Variants in IMMP2L observed in about 807,000 individuals in gnomAD.
IMMP2L encodes mitochondrial inner membrane protease subunit 2.
A neutral mutation model predicts 19.3 loss-of-function variants in IMMP2L; 18 were observed. The observed-to-expected ratio is 0.93, with a 90% CI of 0.64 to 1.38. The LOEUF is 1.38. Ranked by LOEUF, IMMP2L falls within the 40% of genes most tolerant of loss-of-function variation. The pLI, the probability that IMMP2L is intolerant of heterozygous loss-of-function variation, is 0.00. For missense variants in IMMP2L, 233 were observed against 218.2 expected, an observed-to-expected ratio of 1.07 and a Z score of -0.43; for synonymous variants, 76 against 73.0, an observed-to-expected ratio of 1.04 and a Z score of -0.21.
chr7:110,906,204 A>G (rs1563071123), intron 4 of IMMP2L, among the ~76,000 whole-genome samples: 1 of 152,250 alleles, frequency 6.6e-6, no homozygotes, highest in East Asian at 1.9e-4. Flanking sequence ...ATATTTAATT[A>G]CACTAGATTG....
At chr7:111,418,183 G>T (rs2131577167) in intron 3 of IMMP2L, among the ~76,000 whole-genome samples, 1 of 151,744 alleles carries the variant, frequency 6.6e-6, no homozygotes, top group East Asian at 1.9e-4. Flanking sequence ...AATCAGTTGT[G>T]ATTTCTTTTC....
intron 3 of IMMP2L, among the ~76,000 whole-genome samples, chr7:111,064,723 C>T (rs544703926): frequency 3.5e-4 from 54 of 152,278 alleles, no homozygotes; most frequent in African/African-American, 1.3e-3. Context: ...GCCACCTGGA[C>T]ACCTTGGGCT....
chr7:111,390,683 T>A (rs1234541549), intron 3 of IMMP2L: 1 of 152,164 alleles, frequency 6.6e-6, no homozygotes, highest in Non-Finnish European at 1.5e-5. Context: ...CATTAGCTCC[T>A]GCTGCTTGTT....
At chr7:111,165,851 G>T (rs974627335) in intron 3 of IMMP2L, among the ~76,000 whole-genome samples, 2 of 151,888 alleles carry the variant, frequency 1.3e-5, no homozygotes, top group Non-Finnish European at 2.9e-5. Flanking sequence ...CCAAGCCCCC[G>T]GCAAGTTATC....
chr7:111,374,172 T>C (rs1830483469), intron 3 of IMMP2L, among the ~76,000 whole-genome samples: 1 of 152,112 alleles, frequency 6.6e-6, no homozygotes, highest in Non-Finnish European at 1.5e-5. Context: ...ATGCTAAAGC[T>C]TGATATTGTC....
At chr7:111,083,282 T>TA (rs1796035795) in intron 3 of IMMP2L, among the ~76,000 whole-genome samples, 1 of 152,212 alleles carries the variant, frequency 6.6e-6, no homozygotes, top group Non-Finnish European at 1.5e-5. Flanking sequence ...ATGAAAATAA[T>TA]AAAAAATTAT....
intron 5 of IMMP2L, among the ~76,000 whole-genome samples, chr7:110,673,936 C>T (rs534192738): frequency 2.0e-5 from 3 of 152,308 alleles, no homozygotes; most frequent in East Asian, 1.9e-4. Flanking sequence ...ACTGTTCCAA[C>T]CTTTGCCTGT....
At chr7:111,445,859 G>A (rs1030609420) in intron 3 of IMMP2L, among the ~76,000 whole-genome samples, 64 of 152,148 alleles carry the variant, frequency 4.2e-4, no homozygotes, top group East Asian at 5.8e-4. Flanking sequence ...CGCACCGTGC[G>A]TGAGCCGAAG....
intron 3 of IMMP2L, among the ~76,000 whole-genome samples, chr7:111,458,656 T>G (rs747926034): frequency 7.2e-5 from 11 of 152,114 alleles, no homozygotes; most frequent in Non-Finnish European, 1.3e-4. Flanking sequence ...ATCCTTTTCC[T>G]CTTCTATCCC....
intron 4 of IMMP2L, among the ~76,000 whole-genome samples, chr7:110,944,706 G>C (rs1014651796): frequency 1.3e-5 from 2 of 151,932 alleles, no homozygotes; most frequent in Non-Finnish European, 2.9e-5. Flanking sequence ...TGGGATGGAA[G>C]TGGCAGTCAG....
chr7:111,221,507 G>T (rs898810579), intron 3 of IMMP2L, among the ~76,000 whole-genome samples: 3 of 151,546 alleles, frequency 2.0e-5, no homozygotes, highest in Non-Finnish European at 4.4e-5. Context: ...AACAGAGAGA[G>T]AGAGAGCAAG....
At chr7:110,980,835 T>C (rs1302714268) in intron 3 of IMMP2L, among the ~76,000 whole-genome samples, 1 of 152,214 alleles carries the variant, frequency 6.6e-6, no homozygotes, top group Non-Finnish European at 1.5e-5. Flanking sequence ...TATTCCAAAA[T>C]AAATTGTGTA....
At chr7:111,509,703 A>G (rs969109650) in intron 2 of IMMP2L, among the ~76,000 whole-genome samples, 1 of 152,196 alleles carries the variant, frequency 6.6e-6, no homozygotes, top group African/African-American at 2.4e-5. Flanking sequence ...ACTTAATATG[A>G]GTCATGAGCA....
chr7:111,213,224 G>A lies in IMMP2L; in HGVS notation c.240-249659C>T, dbSNP rs114056571. ...TGGAGTGGAGTTGAGGCCTAGCCCGGGTGCTGTCACAATCAGGCTGAGTGT... is the reference window on the plus strand; with the variant it reads ...TGGAGTGGAGTTGAGGCCTAGCCCGAGTGCTGTCACAATCAGGCTGAGTGT... On this transcript the variant is annotated intron_variant, in intron 3 of 5. Transcript: ENST00000405709. This position sits in a 1 kb window ranked among gnomAD's most constrained non-coding sequence, Gnocchi z 4.8. Among the ~76,000 whole-genome samples the A allele has an allele frequency of 6.6e-5, 10 of 152,180 alleles. No individual in the cohort carries two copies. The highest frequency in any genetic ancestry group is 1.2e-4 in the Non-Finnish European group (8 of 68,024).
At chr7:110,673,950 C>T (rs1340099453) in intron 5 of IMMP2L, among the ~76,000 whole-genome samples, 2 of 152,136 alleles carry the variant, frequency 1.3e-5, no homozygotes, top group Non-Finnish European at 2.9e-5. Flanking sequence ...TGCCTGTTAC[C>T]CAGTTCCAAA....
chr7:111,084,215 G>T (rs982574882), intron 3 of IMMP2L, among the ~76,000 whole-genome samples: 1 of 150,460 alleles, frequency 6.6e-6, no homozygotes, highest in African/African-American at 2.4e-5. Flanking sequence ...AAATCAAGTT[G>T]TATATGGTGA....
intron 3 of IMMP2L, among the ~76,000 whole-genome samples, chr7:111,428,063 G>A (rs1040764406): frequency 6.6e-6 from 1 of 151,752 alleles, no homozygotes; most frequent in East Asian, 1.9e-4. Context: ...CACTCATGCT[G>A]TACACCTCAT....
chr7:111,424,971 T>C (rs1281607759), intron 3 of IMMP2L, among the ~76,000 whole-genome samples: 1 of 151,802 alleles, frequency 6.6e-6, no homozygotes, highest in Non-Finnish European at 1.5e-5. Context: ...CCATGTGTAC[T>C]TCTGACATTC....
chr7:110,777,149 C>CTTAT lies in IMMP2L; in HGVS notation c.408+109440_408+109443dup, dbSNP rs532952930. On this transcript the variant is annotated intron_variant, in intron 5 of 5. Coordinates refer to ENST00000405709, the MANE Select transcript of IMMP2L (RefSeq NM_032549.4). The stretch of plus-strand genomic sequence containing the variant: ...TCTCAAATCCTTTCCCATGGGCCTT[C>CTTAT]TTATCATTGGCACACCATTCAGGGA... Among the ~76,000 whole-genome samples the CTTAT allele has an allele frequency of 4.2e-4, 64 of 152,096 alleles. 1 individual carries two copies. The highest frequency in any genetic ancestry group is 3.7e-3 in the Admixed American group (57 of 15,250).
Sources: allele counts gnomAD v4.1 joint callset (sites outside exome capture counted in the v4.1 genomes callset), GRCh38; gene constraint gnomAD v4.1.1; non-coding constraint Gnocchi (gnomAD v3.1); transcripts MANE v1.5; gene names NCBI Gene and HGNC (gene_info 2026-07-23, HGNC 2026-07-21).